The following E2F7 variants were observed in gnomAD, a reference collection of about 807,000 sequenced individuals.
The protein encoded by E2F7 is E2F transcription factor 7, also known as transcription factor E2F7.
A neutral mutation model predicts 81.1 loss-of-function variants in E2F7; 35 were observed. The ratio of observed to expected loss-of-function variants is 0.43; its 90% CI spans 0.33 to 0.57. The LOEUF (loss-of-function observed/expected upper bound fraction) is 0.57, where lower values mean the gene tolerates loss of function less well. Among genes scored for constraint, E2F7 ranks in the 20% least tolerant of loss-of-function variants. The pLI is 0.04. For synonymous variants in E2F7, 416 were observed against 416.2 expected (o/e 1.00, Z 0.01); for missense variants, 961 against 1,093.7 (o/e 0.88, Z 1.71).
intron 6 of E2F7, chr12:77,044,383 C>T (rs565254074): frequency 4.9e-5 from 28 of 571,906 alleles, no homozygotes; most frequent in East Asian, 4.0e-4. Flanking sequence ...CCTCCCTGAC[C>T]GGAGTTCTCA....
rs1555199046 is a variant in E2F7, at chr12:77,023,991, ACCC to A, written c.*21_*23del. 1 of 1,610,314 alleles carries A rather than the reference ACCC, an allele frequency of 6.2e-7. No homozygotes were observed. Among genetic ancestry groups the A allele is most frequent in the African/African-American group, 1.3e-5 (1 of 74,772 alleles). Reference sequence around the variant, plus strand: ...CGGGACTCTCAGGGCGTTTGATCCCACCCCCACCTGGCAAAGCGGCAGGTTAGT... The same window carrying A: ...CGGGACTCTCAGGGCGTTTGATCCCACCACCTGGCAAAGCGGCAGGTTAGT... On this transcript the variant is annotated 3_prime_UTR_variant, in exon 13 of 13. Coordinates refer to ENST00000322886, the MANE Select transcript of E2F7 (RefSeq NM_203394.3).
At chr12:77,043,351 C>A in intron 6 of E2F7, 152 bp from the exon 7 acceptor site, 1 of 976,308 alleles carries the variant, frequency 1.0e-6, no homozygotes, top group Non-Finnish European at 1.5e-6. Context: ...GTCATAAAAT[C>A]ACCCAGGATT....
intron 2 of E2F7, among the ~76,000 whole-genome samples, chr12:77,059,486 A>G (rs902143110): frequency 2.6e-5 from 4 of 152,208 alleles, no homozygotes; most frequent in Non-Finnish European, 1.5e-5. Context: ...TCTATCTCCA[A>G]GGTTTTCTAG....
intron 2 of E2F7, among the ~76,000 whole-genome samples, chr12:77,060,303 AGTTGCT>A (rs1455448932): frequency 6.6e-6 from 1 of 152,148 alleles, no homozygotes; most frequent in Non-Finnish European, 1.5e-5. Flanking sequence ...CCTACCATAG[AGTTGCT>A]GTGATAATGA....
At chr12:77,029,746 G>A in intron 10 of E2F7, 85 bp downstream of exon 10, 1 of 1,551,460 alleles carries the variant, frequency 6.4e-7, no homozygotes, top group South Asian at 1.2e-5. Flanking sequence ...AGACTCCATT[G>A]CTTATTAATA....
At chr12:77,047,695 C>T (rs911933960) in intron 4 of E2F7, among the ~76,000 whole-genome samples, 1 of 152,204 alleles carries the variant, frequency 6.6e-6, no homozygotes, top group African/African-American at 2.4e-5. Flanking sequence ...AGTTCTATCA[C>T]ATGCATGAAG....
intron 7 of E2F7, among the ~76,000 whole-genome samples, chr12:77,039,023 C>G (rs758405183): frequency 4.6e-5 from 7 of 152,340 alleles, no homozygotes; most frequent in Non-Finnish European, 8.8e-5. Context: ...AATAGACAAA[C>G]AGATCAATGC....
chr12:77,059,814 T>A lies in E2F7; in HGVS notation c.94-3684A>T, dbSNP rs550740373. Among the ~76,000 whole-genome samples the A allele has an allele frequency of 3.3e-5, 5 of 152,000 alleles. No individual in the cohort carries two copies. In the South Asian group the frequency reaches 1.0e-3, roughly 32 times the overall value. ...TCTACTGAAAATACAAAAACAAAAA[T>A]TAGCTGGGCGTGGTGGCGGGCGCCT... On this transcript the variant is annotated intron_variant, in intron 2 of 12. Transcript: ENST00000322886.
chr12:77,064,117 C>T (rs11116856), intron 2 of E2F7, among the ~76,000 whole-genome samples: 22,823 of 152,162 alleles, frequency 0.15, 2,350 homozygotes, highest in East Asian at 0.54. Context: ...GTGAATGGAA[C>T]AGTCTCTGGG....
At chr12:77,042,933 G>T in intron 7 of E2F7, 132 bp downstream of exon 7, 1 of 1,386,408 alleles carries the variant, frequency 7.2e-7, no homozygotes, top group South Asian at 1.3e-5. Flanking sequence ...TGTTCCAAGA[G>T]TGGAGTCACT....
intron 7 of E2F7, among the ~76,000 whole-genome samples, chr12:77,037,294 A>C (rs1487436207): frequency 6.6e-6 from 1 of 152,156 alleles, no homozygotes; most frequent in Non-Finnish European, 1.5e-5. Context: ...TTTCTTCAAA[A>C]GGTAATTAAC....
chr12:77,063,354 C>T (rs181008602), intron 2 of E2F7, among the ~76,000 whole-genome samples: 1 of 152,252 alleles, frequency 6.6e-6, no homozygotes. Context: ...AAGAATTAGT[C>T]TCCTATCTGT....
Position 77,023,775 on chromosome 12 carries a change from C to T in E2F7, c.*240G>A. ...GAATAAGACGATTCTTGAATCAAAA[C>T]CATAAGTCAGTCGGCGCTTTCACTG... On this transcript the variant is annotated 3_prime_UTR_variant, in exon 13 of 13. Transcript: ENST00000322886. 1 of 471,078 alleles carries T rather than the reference C, an allele frequency of 2.1e-6. No individual in the cohort carries two copies. The highest frequency in any genetic ancestry group is 3.7e-6 in the Non-Finnish European group (1 of 269,002). 29.2% of individuals were successfully genotyped at this position (471,078 alleles called of 1,614,324 possible).
At position 77,022,603 on chromosome 12, in the gene E2F7, T is replaced by C. The variant is rs1027558149; in HGVS notation, c.*1412A>G. 3 of 152,016 alleles carry C rather than the reference T, an allele frequency of 2.0e-5. No individual in the cohort carries two copies. The highest frequency in any genetic ancestry group is 4.4e-5 in the Non-Finnish European group (3 of 67,890). 9.4% of individuals were successfully genotyped at this position (152,016 alleles called of 1,614,324 possible). A position where few individuals can be genotyped will look rare whatever the true frequency, so the allele number is the denominator to read the frequency against. ...CTACACCAGGATTCTACATCTAAGA[T>C]AGTTTTAAGAGAGGAAGAGGAAGGA... On this transcript the variant is annotated 3_prime_UTR_variant, in exon 13 of 13. Transcript: ENST00000322886.
intron 3 of E2F7, among the ~76,000 whole-genome samples, chr12:77,051,306 A>G (rs2035151): frequency 0.074 from 11,285 of 152,266 alleles, 491 homozygotes; most frequent in Middle Eastern, 0.12. Context: ...CTCAACCCAC[A>G]TTTGAAAGGG....
At chr12:77,036,866 T>A (rs946249701) in intron 7 of E2F7, among the ~76,000 whole-genome samples, 2 of 152,022 alleles carry the variant, frequency 1.3e-5, no homozygotes, top group South Asian at 2.1e-4. Context: ...CTCAGCCTCC[T>A]GAGTAGCTGG....
intron 4 of E2F7, 129 bp from the exon 5 acceptor site, chr12:77,046,457 G>T: frequency 2.0e-6 from 2 of 978,562 alleles, no homozygotes; most frequent in Non-Finnish European, 2.9e-6. Flanking sequence ...CTGCGTGGAT[G>T]CTCAAGGAAT....
chr12:77,060,473 C>T lies in E2F7; in HGVS notation c.93+4070G>A, dbSNP rs78205242. 5.9e-3 allele frequency among the ~76,000 whole-genome samples: 899 copies of T among 152,214 alleles called. 32 individuals carry two copies. The highest frequency in any genetic ancestry group is 0.051 in the Admixed American group (777 of 15,298). On this transcript the variant is annotated intron_variant, in intron 2 of 12. Coordinates refer to ENST00000322886, the MANE Select transcript of E2F7 (RefSeq NM_203394.3). ...TTGGTTCTAGTCCTGCTCCTGTGTC[C>T]GATACAGCTTTGATCATGTTATCTC...
chr12:77,023,927 T>C lies in E2F7; in HGVS notation c.*88A>G. 6.8e-7 allele frequency: 1 copy of C among 1,473,530 alleles called. No individual in the cohort carries two copies. Among genetic ancestry groups the C allele is most frequent in the East Asian group, 2.3e-5 (1 of 43,848 alleles). 91.3% of individuals were successfully genotyped at this position (1,473,530 alleles called of 1,614,324 possible). A position where few individuals can be genotyped will look rare whatever the true frequency, so the allele number is the denominator to read the frequency against. On this transcript the variant is annotated 3_prime_UTR_variant, in exon 13 of 13. Transcript: ENST00000322886. Reference sequence around the variant, plus strand: ...GGATGAAAGAGAGAGGAAGGACCCGTGCTCAGGACGGGATGGTTTGCATCC... The same window carrying C: ...GGATGAAAGAGAGAGGAAGGACCCGCGCTCAGGACGGGATGGTTTGCATCC...
Sources: gnomAD v4.1 joint callset for allele counts (sites outside exome capture counted in the v4.1 genomes callset) on GRCh38, gnomAD v4.1.1 for gene constraint, MANE v1.5 for transcripts, NCBI Gene and HGNC (gene_info 2026-07-23, HGNC 2026-07-21) for gene names.